NELL1: variants seen among roughly 807,000 people sequenced by gnomAD.
NELL1 encodes neural EGFL like 1.
NELL1 carries 76 observed loss-of-function variants against 107.4 expected under a neutral mutation model. The observed-to-expected ratio is 0.71, with a 90% CI of 0.59 to 0.86. The LOEUF (loss-of-function observed/expected upper bound fraction) is 0.86. Among genes scored for constraint, NELL1 ranks in the 40% least tolerant of loss-of-function variants. The pLI, the probability that NELL1 is intolerant of heterozygous loss-of-function variation, is 0.00. For missense variants in NELL1, 1,024 were observed against 1,005.5 expected, an observed-to-expected ratio of 1.02 and a Z score of -0.25; for synonymous variants, 353 against 341.2, an observed-to-expected ratio of 1.03 and a Z score of -0.38.
In NELL1 at chr11:20,847,761, T is replaced by C; in HGVS notation, c.506+8T>C. On this transcript the variant is annotated splice_region_variant and intron_variant, in intron 4 of 19. Coordinates refer to ENST00000357134, the MANE Select transcript of NELL1 (RefSeq NM_006157.5). ...CCATGTCGACTGTAACAGGTATTTC[T>C]TTGTCTTTGAGTGTTGCTGATTCTG... 1 of 1,604,008 alleles carries C rather than the reference T, an allele frequency of 6.2e-7. No individual in the cohort carries two copies. Among genetic ancestry groups the C allele is most frequent in the South Asian group, 1.1e-5 (1 of 89,304 alleles).
chr11:21,156,523 T>A (rs1856239051), intron 13 of NELL1, among the ~76,000 whole-genome samples: 1 of 151,382 alleles, frequency 6.6e-6, no homozygotes, highest in Non-Finnish European at 1.5e-5. Flanking sequence ...GTAGTTTGAG[T>A]AAGGGAGGTA....
chr11:20,707,722 C>T (rs1389924835), intron 2 of NELL1, among the ~76,000 whole-genome samples: 1 of 152,198 alleles, frequency 6.6e-6, no homozygotes, highest in Non-Finnish European at 1.5e-5. Flanking sequence ...TCTGATCCTT[C>T]CTCTGGAAGC....
At chr11:21,302,359 T>C (rs1005647949) in intron 14 of NELL1, among the ~76,000 whole-genome samples, 18 of 152,076 alleles carry the variant, frequency 1.2e-4, no homozygotes, top group Non-Finnish European at 2.4e-4. Context: ...AGACAGAATT[T>C]CTTACTGAAT....
intron 13 of NELL1, among the ~76,000 whole-genome samples, chr11:21,131,650 G>A (rs1031695677): frequency 1.3e-5 from 2 of 152,018 alleles, no homozygotes; most frequent in Non-Finnish European, 2.9e-5. Flanking sequence ...GGGGGAGGGA[G>A]GCTTAAATAT....
At chr11:21,298,319 C>T (rs1849417117) in intron 14 of NELL1, among the ~76,000 whole-genome samples, 1 of 151,944 alleles carries the variant, frequency 6.6e-6, no homozygotes, top group South Asian at 2.1e-4. Context: ...ATCTCAATGT[C>T]AGTTTCTCTG....
Position 20,786,869 on chromosome 11 carries a change from A to G in NELL1, c.335+3039A>G, listed in dbSNP as rs567600462. On this transcript the variant is annotated intron_variant, in intron 3 of 19. Transcript: ENST00000357134. The stretch of plus-strand genomic sequence containing the variant: ...TAAAAATACAAAAAATTAGCCGGGC[A>G]TGGTGGCGGGCGCCTGTAGTCCCAG... 3.3e-3 allele frequency among the ~76,000 whole-genome samples: 493 copies of G among 151,652 alleles called. 4 individuals carry two copies. The highest frequency in any genetic ancestry group is 0.023 in the East Asian group (117 of 5,102).
intron 17 of NELL1, among the ~76,000 whole-genome samples, chr11:21,563,769 A>C (rs1480762905): frequency 6.6e-6 from 1 of 151,940 alleles, no homozygotes; most frequent in African/African-American, 2.4e-5. Flanking sequence ...GGACGACTGA[A>C]TGCTCTACTC....
At chr11:20,923,876 T>G (rs1272883055) in intron 7 of NELL1, among the ~76,000 whole-genome samples, 2 of 152,104 alleles carry the variant, frequency 1.3e-5, no homozygotes, top group Non-Finnish European at 2.9e-5. Context: ...ATATAGCAAA[T>G]GCCAAGTAAA....
chr11:21,422,865 A>C (rs1208074601), intron 15 of NELL1, among the ~76,000 whole-genome samples: 2 of 152,172 alleles, frequency 1.3e-5, no homozygotes, highest in African/African-American at 4.8e-5. Context: ...TAACTAGATT[A>C]ATCTCTCCAA....
chr11:21,327,537 T>G (rs1355731367), intron 14 of NELL1, among the ~76,000 whole-genome samples: 1 of 152,150 alleles, frequency 6.6e-6, no homozygotes, highest in Non-Finnish European at 1.5e-5. Context: ...TAGTCTCCAG[T>G]GTGTCTTTCT....
chr11:20,943,515 G>A (rs578230945), intron 10 of NELL1, among the ~76,000 whole-genome samples: 2 of 151,976 alleles, frequency 1.3e-5, no homozygotes, highest in Non-Finnish European at 2.9e-5. Context: ...CCCAGGAGGC[G>A]GAGGTGGCAG....
chr11:20,769,015 A>T (rs1349879587), intron 2 of NELL1, among the ~76,000 whole-genome samples: 1 of 152,168 alleles, frequency 6.6e-6, no homozygotes. Context: ...TTTAAGTTTG[A>T]AAAGGATCTT....
At chr11:20,685,801 T>C (rs908667359) in intron 2 of NELL1, among the ~76,000 whole-genome samples, 2 of 152,062 alleles carry the variant, frequency 1.3e-5, no homozygotes, top group Non-Finnish European at 2.9e-5. Flanking sequence ...ATTAGGATAG[T>C]GGAAAAAGCA....
chr11:20,983,652 T>A (rs1306018328), intron 12 of NELL1, among the ~76,000 whole-genome samples: 1 of 152,108 alleles, frequency 6.6e-6, no homozygotes, highest in Non-Finnish European at 1.5e-5. Flanking sequence ...AATCATCAAC[T>A]CCCCTCCACA....
At chr11:20,754,015 T>G (rs1392336818) in intron 2 of NELL1, among the ~76,000 whole-genome samples, 1 of 152,212 alleles carries the variant, frequency 6.6e-6, no homozygotes, top group Non-Finnish European at 1.5e-5. Context: ...GTCAAGAGGA[T>G]GGACGGTGTT....
At chr11:21,108,183 A>G (rs2133718792) in intron 12 of NELL1, among the ~76,000 whole-genome samples, 1 of 152,194 alleles carries the variant, frequency 6.6e-6, no homozygotes, top group South Asian at 2.1e-4. Context: ...TTTCTAGTAA[A>G]TGTTTATGGA....
intron 14 of NELL1, among the ~76,000 whole-genome samples, chr11:21,360,474 G>T (rs1478229556): frequency 6.6e-6 from 1 of 152,070 alleles, no homozygotes; most frequent in Non-Finnish European, 1.5e-5. Flanking sequence ...CAGTTGTTGG[G>T]TAGAATGCTC....
At chr11:21,507,835 C>T (rs113387842) in intron 15 of NELL1, among the ~76,000 whole-genome samples, 6,351 of 150,138 alleles carry the variant, frequency 0.042, 469 homozygotes, top group African/African-American at 0.15. Flanking sequence ...GGCTGGAGTG[C>T]GGCGGCGTGA....
In NELL1 at chr11:21,115,249, G is replaced by A. The variant is rs530077903; in HGVS notation, c.1426+1535G>A. 2.4e-4 allele frequency among the ~76,000 whole-genome samples: 37 copies of A among 152,100 alleles called. No individual in the cohort carries two copies. In the East Asian group the frequency reaches 3.5e-3, roughly 14 times the overall value. On this transcript the variant is annotated intron_variant, in intron 13 of 19. Coordinates refer to ENST00000357134, the MANE Select transcript of NELL1 (RefSeq NM_006157.5). ...ATGTGGTTTGGAATAAAAGGTAACA[G>A]TGTGGGTATCAGTGGGCACCCAAGT...
Sources: gnomAD v4.1 joint callset for allele counts (sites outside exome capture counted in the v4.1 genomes callset) on GRCh38, gnomAD v4.1.1 for gene constraint, MANE v1.5 for transcripts, NCBI Gene and HGNC (gene_info 2026-07-23, HGNC 2026-07-21) for gene names.